The following GATAD2B variants were observed in gnomAD, a reference collection of about 807,000 sequenced individuals.
The protein encoded by GATAD2B is transcriptional repressor p66-beta.
GATAD2B carries 8 observed loss-of-function variants against 64.3 expected under a neutral mutation model. That is an observed-to-expected ratio of 0.12 (90% CI 0.07 to 0.22). The LOEUF (loss-of-function observed/expected upper bound fraction) is 0.22, where lower values mean the gene tolerates loss of function less well. GATAD2B is among the 10% of genes least tolerant of loss of function. The pLI is 1.00. For missense variants in GATAD2B, 453 were observed against 752.0 expected (o/e 0.60, Z 4.65); for synonymous variants, 281 against 271.3 (o/e 1.04, Z -0.35).
chr1:153,836,013 G>A (rs1675249306), intron 1 of GATAD2B, among the ~76,000 whole-genome samples: 1 of 152,050 alleles, frequency 6.6e-6, no homozygotes, highest in Non-Finnish European at 1.5e-5. Context: ...GTGAGCCACT[G>A]CGTCTGGCCT....
intron 1 of GATAD2B, among the ~76,000 whole-genome samples, chr1:153,914,023 T>A (rs1678181324): frequency 1.3e-5 from 2 of 151,144 alleles, no homozygotes; most frequent in South Asian, 2.1e-4. Context: ...GGCAGGCGGA[T>A]CACAAGGTCA....
chr1:153,822,434 C>A (rs913820100), intron 2 of GATAD2B, among the ~76,000 whole-genome samples: 4 of 152,134 alleles, frequency 2.6e-5, no homozygotes, highest in Non-Finnish European at 4.4e-5. Context: ...TATCTGAGAA[C>A]AACTTTAAAT....
intron 1 of GATAD2B, among the ~76,000 whole-genome samples, chr1:153,864,789 C>T (rs1676422482): frequency 6.6e-6 from 1 of 152,202 alleles, no homozygotes; most frequent in Non-Finnish European, 1.5e-5. Context: ...CTAAATACAG[C>T]CAGGCACAGT....
At chr1:153,905,626 C>T (rs1004137333) in intron 1 of GATAD2B, among the ~76,000 whole-genome samples, 2 of 147,386 alleles carry the variant, frequency 1.4e-5, no homozygotes, top group African/African-American at 5.0e-5. Flanking sequence ...TACTACGTAA[C>T]TACAGTAATC....
chr1:153,812,190 C>CTT (rs11264420), intron 8 of GATAD2B, 58 bp from the exon 9 acceptor site: 5,825 of 608,360 alleles, frequency 9.6e-3, no homozygotes, highest in South Asian at 0.015. Flanking sequence ...ACCCAATTTC[C>CTT]TTTTTTTTTT....
chr1:153,863,208 C>T (rs764437468), intron 1 of GATAD2B, among the ~76,000 whole-genome samples: 8 of 152,070 alleles, frequency 5.3e-5, no homozygotes, highest in Non-Finnish European at 1.2e-4. Flanking sequence ...TGGCCGAGCA[C>T]GGTGGCTCAC....
intron 1 of GATAD2B, among the ~76,000 whole-genome samples, chr1:153,856,563 C>CT (rs1259759552): frequency 2.0e-5 from 3 of 152,010 alleles, no homozygotes; most frequent in South Asian, 4.1e-4. Context: ...ACATTTAAAA[C>CT]TTTAAGATTA....
chr1:153,868,768 C>T (rs1395947526), intron 1 of GATAD2B, among the ~76,000 whole-genome samples: 2 of 142,580 alleles, frequency 1.4e-5, no homozygotes, highest in Non-Finnish European at 3.0e-5. Context: ...GAGATTCTTG[C>T]TCCGTCACCC....
chr1:153,913,177 C>T (rs1290691316), intron 1 of GATAD2B, among the ~76,000 whole-genome samples: 3 of 152,088 alleles, frequency 2.0e-5, no homozygotes, highest in African/African-American at 7.2e-5. Flanking sequence ...ATCCACCCGC[C>T]TCAGCCTCCC....
At chr1:153,914,303 T>C (rs1178655625) in intron 1 of GATAD2B, among the ~76,000 whole-genome samples, 1 of 143,220 alleles carries the variant, frequency 7.0e-6, no homozygotes, top group South Asian at 2.2e-4. Flanking sequence ...TTAAAAATAA[T>C]ACAGTGCTTT....
intron 1 of GATAD2B, among the ~76,000 whole-genome samples, chr1:153,844,903 A>C (rs574794260): frequency 6.6e-6 from 1 of 151,508 alleles, no homozygotes; most frequent in East Asian, 1.9e-4. Context: ...CCTAAAACTT[A>C]AAGTATAATA....
At chr1:153,883,619 G>GTA (rs1227559343) in intron 1 of GATAD2B, among the ~76,000 whole-genome samples, 1 of 152,062 alleles carries the variant, frequency 6.6e-6, no homozygotes, top group East Asian at 1.9e-4. Context: ...GTTGATGATG[G>GTA]TAAGTATGAT....
At position 153,818,778 on chromosome 1, in the gene GATAD2B, T is replaced by C. The variant is rs1450341203; in HGVS notation, c.597+13A>G. The C allele has an allele frequency of 6.2e-7, 1 of 1,612,386 alleles. No individual in the cohort carries two copies. On this transcript the variant is annotated intron_variant, in intron 4 of 10. Transcript: ENST00000368655. ...TTCCTTTCCCTTAGTCCCTTATTTCTAGGGCACATTACCTTCTGGACCACA... is the reference window on the plus strand; with the variant it reads ...TTCCTTTCCCTTAGTCCCTTATTTCCAGGGCACATTACCTTCTGGACCACA...
chr1:153,918,781 T>C (rs1270330320), intron 1 of GATAD2B, among the ~76,000 whole-genome samples: 3 of 151,990 alleles, frequency 2.0e-5, no homozygotes, highest in Non-Finnish European at 4.4e-5. Flanking sequence ...GGTGAAACCG[T>C]CTCTACTAAA....
intron 1 of GATAD2B, among the ~76,000 whole-genome samples, chr1:153,841,124 CAAAAAA>C (rs941317761): frequency 1.3e-5 from 1 of 77,438 alleles, no homozygotes; most frequent in African/African-American, 5.5e-5. Flanking sequence ...GACTCCGTCT[CAAAAAA>C]AAAAAAAAAA....
intron 1 of GATAD2B, among the ~76,000 whole-genome samples, chr1:153,892,267 C>T (rs760316828): frequency 6.7e-6 from 1 of 149,916 alleles, no homozygotes; most frequent in African/African-American, 2.5e-5. Flanking sequence ...AAGAGTAAAA[C>T]AGGTAACAAG....
chr1:153,896,711 C>T (rs1338876457), intron 1 of GATAD2B, among the ~76,000 whole-genome samples: 1 of 152,096 alleles, frequency 6.6e-6, no homozygotes, highest in African/African-American at 2.4e-5. Context: ...GCTGGGATTA[C>T]AGGCATGAGT....
chr1:153,848,777 C>T (rs1675777432), intron 1 of GATAD2B, among the ~76,000 whole-genome samples: 2 of 152,056 alleles, frequency 1.3e-5, no homozygotes, highest in Non-Finnish European at 2.9e-5. Flanking sequence ...GATGGTGAAA[C>T]CCCGTCCCTA....
chr1:153,840,351 T>A (rs1675437642), intron 1 of GATAD2B, among the ~76,000 whole-genome samples: 1 of 144,988 alleles, frequency 6.9e-6, no homozygotes, highest in Admixed American at 7.0e-5. Context: ...ACTTATTTTT[T>A]TTTTAGGTGG....
Sources: allele counts gnomAD v4.1 joint callset (sites outside exome capture counted in the v4.1 genomes callset), GRCh38; gene constraint gnomAD v4.1.1; transcripts MANE v1.5; gene names NCBI Gene and HGNC (gene_info 2026-07-23, HGNC 2026-07-21).